The following UXS1 variants were observed in gnomAD, a reference collection of about 807,000 sequenced individuals.
UXS1 encodes UDP-glucuronic acid decarboxylase 1.
UXS1 carries 33 observed loss-of-function variants against 62.6 expected under a neutral mutation model. That is an observed-to-expected ratio of 0.53 (90% CI 0.40 to 0.70). The LOEUF is 0.70. UXS1 is among the 30% of genes least tolerant of loss of function. The probability of loss-of-function intolerance (pLI) is 0.00; values close to 1 mark genes in which losing one functional copy is unlikely to be tolerated. For synonymous variants in UXS1, 213 were observed against 206.8 expected (o/e 1.03, Z -0.26); for missense variants, 434 against 556.3 (o/e 0.78, Z 2.21).
chr2:106,170,928 A>G (rs748943470), intron 1 of UXS1, among the ~76,000 whole-genome samples: 2 of 152,280 alleles, frequency 1.3e-5, no homozygotes, highest in Non-Finnish European at 2.9e-5. Flanking sequence ...TGCACTCTAC[A>G]AATATTTGAA....
chr2:106,112,494 G>A (rs555531878), intron 10 of UXS1, 152 bp downstream of exon 10: 7 of 1,275,224 alleles, frequency 5.5e-6, no homozygotes, highest in Admixed American at 2.5e-5. Flanking sequence ...TTATGTCCCC[G>A]TGCCTGCCTT....
intron 1 of UXS1, among the ~76,000 whole-genome samples, chr2:106,190,991 C>A (rs979335005): frequency 2.6e-5 from 4 of 152,234 alleles, no homozygotes; most frequent in African/African-American, 7.2e-5. Context: ...ATAAATGTTT[C>A]AAGGGCTGAA....
intron 1 of UXS1, among the ~76,000 whole-genome samples, chr2:106,187,540 T>C (rs186440047): frequency 2.0e-5 from 3 of 152,278 alleles, no homozygotes; most frequent in African/African-American, 4.8e-5. Context: ...TCAGGGAAGT[T>C]TGAAGTCTAT....
At chr2:106,157,700 G>A (rs1380187835) in intron 5 of UXS1, among the ~76,000 whole-genome samples, 1 of 152,232 alleles carries the variant, frequency 6.6e-6, no homozygotes, top group Non-Finnish European at 1.5e-5. Context: ...GAAAAGGAAT[G>A]AAGTGTACTG....
intron 6 of UXS1, chr2:106,138,332 A>C (rs894903927): frequency 5.4e-5 from 53 of 985,584 alleles, no homozygotes; most frequent in Non-Finnish European, 6.3e-5. Context: ...CCTTGTCCAG[A>C]GATTCACACA....
In UXS1 at chr2:106,150,217, A is replaced by G. The variant is rs1185410325; in HGVS notation, c.292-4847T>C. Among the ~76,000 whole-genome samples, 3 of 152,362 alleles carry G rather than the reference A, an allele frequency of 2.0e-5. No homozygotes were observed. In the East Asian group the frequency reaches 5.8e-4, roughly 29 times the overall value. On this transcript the variant is annotated intron_variant, in intron 5 of 14. Coordinates refer to ENST00000283148, the MANE Select transcript of UXS1 (RefSeq NM_001253875.2). Reference sequence around the variant, plus strand: ...GAAAAATGATTTAAAGACAGATTGTATAACTAAAAGGGAAACAGAACAAAA... The same window carrying G: ...GAAAAATGATTTAAAGACAGATTGTGTAACTAAAAGGGAAACAGAACAAAA...
At chr2:106,120,744 A>G (rs889978445) in intron 9 of UXS1, among the ~76,000 whole-genome samples, 1 of 152,214 alleles carries the variant, frequency 6.6e-6, no homozygotes, top group African/African-American at 2.4e-5. Flanking sequence ...TGTGAAGTAC[A>G]CTGTGAACCT....
chr2:106,146,195 G>C (rs761568061), intron 5 of UXS1, among the ~76,000 whole-genome samples: 1 of 152,248 alleles, frequency 6.6e-6, no homozygotes, highest in Non-Finnish European at 1.5e-5. Context: ...GGCGGTGGGA[G>C]TGAAAAGAAT....
At position 106,123,050 on chromosome 2, in the gene UXS1, C is replaced by T; in HGVS notation, c.679G>A (p.Val227Met). 6.2e-7 allele frequency: 1 copy of T among 1,613,966 alleles called. No homozygotes were observed. The highest frequency in any genetic ancestry group is 8.5e-7 in the Non-Finnish European group (1 of 1,179,868). ...CAGGCCCGAGGTCCTATTGGATTCA[C>T]GTGGCCCCAGTAATCCTCACTTTGA... Reference protein sequence around the residue: ...HPQSEDYWGHVNPIGPRACYD... With the variant: ...HPQSEDYWGHMNPIGPRACYD... Residue 227 changes from valine to methionine, a missense_variant, in exon 9 of 15, where the codon GTG becomes ATG. Physicochemically the swap from Val to Met is conservative, Grantham distance 21 (BLOSUM62 1). Around this residue, in one of 3 missense-constraint regions of UXS1, gnomAD observed 134 missense variants for 251.9 expected, o/e 0.53. Transcript: ENST00000283148.
chr2:106,192,677 T>C (rs909351405), intron 1 of UXS1, among the ~76,000 whole-genome samples: 3 of 152,142 alleles, frequency 2.0e-5, no homozygotes, highest in Non-Finnish European at 4.4e-5. Context: ...AAGACCTGGG[T>C]TCTAGCTCCT....
intron 8 of UXS1, among the ~76,000 whole-genome samples, chr2:106,124,571 C>G (rs1185005353): frequency 6.6e-6 from 1 of 152,214 alleles, no homozygotes; most frequent in Non-Finnish European, 1.5e-5. Flanking sequence ...CCATAAATTA[C>G]ACTCTCCAAT....
At position 106,093,918 on chromosome 2, in the gene UXS1, T is replaced by C; in HGVS notation, c.*108A>G. On this transcript the variant is annotated 3_prime_UTR_variant, in exon 15 of 15. Coordinates refer to ENST00000283148, the MANE Select transcript of UXS1 (RefSeq NM_001253875.2). ...AGCTTCAGAATGAAATTCCAGTTTG[T>C]TCTTCATGACACCTGTTAAAGTCTT... 1.0e-5 allele frequency: 14 copies of C among 1,378,000 alleles called. No individual in the cohort carries two copies. The highest frequency in any genetic ancestry group is 1.2e-5 in the Non-Finnish European group (13 of 1,047,788). 85.4% of individuals were successfully genotyped at this position (1,378,000 alleles called of 1,614,324 possible).
intron 3 of UXS1, 142 bp from the exon 4 acceptor site, chr2:106,163,852 C>A: frequency 2.1e-6 from 1 of 470,778 alleles, no homozygotes; most frequent in Middle Eastern, 3.1e-4. Context: ...TTAAGATACA[C>A]CACTTGCATC....
At chr2:106,163,960 A>C (rs1158597151) in intron 3 of UXS1, among the ~76,000 whole-genome samples, 2 of 152,178 alleles carry the variant, frequency 1.3e-5, no homozygotes, top group African/African-American at 2.4e-5. Flanking sequence ...CACCCATCCT[A>C]CTAGGAAGAA....
chr2:106,100,733 T>G, intron 12 of UXS1: 1 of 259,760 alleles, frequency 3.8e-6, no homozygotes, highest in Non-Finnish European at 7.3e-6. Context: ...GGCCTTATAA[T>G]GATGACCCGC....
chr2:106,167,988 C>T (rs922209668), intron 1 of UXS1, among the ~76,000 whole-genome samples: 1 of 152,074 alleles, frequency 6.6e-6, no homozygotes, highest in Non-Finnish European at 1.5e-5. Context: ...ATGGTGAAAC[C>T]CCATCTCTAC....
rs541795233 is a variant in UXS1, at chr2:106,164,962, C to T, written c.123-163G>A. ...AGGGATGCACCAGAGGAAAAGAAGACAACCAAAGGGAAGGACTCCCCTTAA... is the reference window on the plus strand; with the variant it reads ...AGGGATGCACCAGAGGAAAAGAAGATAACCAAAGGGAAGGACTCCCCTTAA... On this transcript the variant is annotated intron_variant, in intron 2 of 14. Transcript: ENST00000283148. Among the ~76,000 whole-genome samples, 285 of 152,296 alleles carry T rather than the reference C, an allele frequency of 1.9e-3. 4 individuals are homozygous for T. Among genetic ancestry groups the T allele is most frequent in the Non-Finnish European group, 3.8e-3 (258 of 68,028 alleles).
chr2:106,097,550 C>G (rs952365601), intron 13 of UXS1: 6 of 239,620 alleles, frequency 2.5e-5, no homozygotes, highest in African/African-American at 1.1e-4. Flanking sequence ...GGAAGCTGCA[C>G]GCCCCTCCCC....
intron 9 of UXS1, among the ~76,000 whole-genome samples, chr2:106,113,565 C>T (rs1270090419): frequency 6.6e-6 from 1 of 152,228 alleles, no homozygotes; most frequent in African/African-American, 2.4e-5. Context: ...AAAGCCTGCT[C>T]TAAGTGATCG....
Sources: allele counts gnomAD v4.1 joint callset (sites outside exome capture counted in the v4.1 genomes callset), GRCh38; gene constraint gnomAD v4.1.1; regional missense constraint gnomAD v4.1.1; transcripts MANE v1.5; gene names NCBI Gene and HGNC (gene_info 2026-07-23, HGNC 2026-07-21).